The following LIPI variants were observed in gnomAD, a reference collection of about 807,000 sequenced individuals.
LIPI encodes the protein lipase I, also known as lipase member I.
Under a neutral mutation model 50.6 loss-of-function variants are expected in LIPI, and 59 were observed. The observed-to-expected ratio is 1.16, with a 90% CI of 0.94 to 1.45. LIPI has a LOEUF of 1.45. Among genes scored for constraint, LIPI ranks in the 40% most tolerant of loss-of-function variants. The probability of loss-of-function intolerance (pLI) is 0.00; values close to 1 mark genes in which losing one functional copy is unlikely to be tolerated. For synonymous variants in LIPI, 203 were observed against 178.2 expected (o/e 1.14, Z -1.11); for missense variants, 586 against 536.3 (o/e 1.09, Z -0.92).
chr21:14,196,788 T>C (rs2019877546), intron 1 of LIPI, among the ~76,000 whole-genome samples: 1 of 152,084 alleles, frequency 6.6e-6, no homozygotes, highest in Admixed American at 6.6e-5. Flanking sequence ...GTAGCACCAC[T>C]GCACTCCAGC....
intron 4 of LIPI, among the ~76,000 whole-genome samples, chr21:14,179,160 C>T (rs1016967563): frequency 1.3e-5 from 2 of 151,812 alleles, no homozygotes; most frequent in African/African-American, 2.4e-5. Flanking sequence ...AAATGTATGC[C>T]CTAATTATCT....
intron 1 of LIPI, among the ~76,000 whole-genome samples, chr21:14,200,518 A>T (rs1329890788): frequency 6.6e-6 from 1 of 152,106 alleles, no homozygotes; most frequent in Non-Finnish European, 1.5e-5. Flanking sequence ...CCACAAAAAG[A>T]ATAAAATACC....
intron 3 of LIPI, among the ~76,000 whole-genome samples, chr21:14,182,365 G>GA (rs1349751731): frequency 1.3e-5 from 2 of 151,972 alleles, no homozygotes; most frequent in African/African-American, 2.4e-5. Context: ...CTTAAGAAAA[G>GA]AAAAAATATA....
intron 8 of LIPI, among the ~76,000 whole-genome samples, chr21:14,149,059 G>T (rs879070330): frequency 1.3e-5 from 2 of 152,146 alleles, no homozygotes; most frequent in Admixed American, 1.3e-4. Context: ...TTTAGATACT[G>T]TATTAGTCTG....
rs560807583 is a variant in LIPI at position 14,144,623 on chromosome 21, C to A, written c.1295G>T (p.Arg432Ile). 8.1e-6 allele frequency: 12 copies of A among 1,482,106 alleles called. No individual in the cohort carries two copies. Among genetic ancestry groups the A allele is most frequent in the Non-Finnish European group, 1.1e-5 (12 of 1,067,258 alleles). The allele number at this position is 1,482,106 out of a possible 1,614,324, so 91.8% of individuals were successfully genotyped here. A position where few individuals can be genotyped will look rare whatever the true frequency, so the allele number is the denominator to read the frequency against. Residue 432 changes from arginine to isoleucine, a missense_variant and splice_region_variant, in exon 9 of 10, where the codon AGA becomes ATA. Arg to Ile is a moderately conservative substitution (Grantham distance 97). Transcript: ENST00000681601. ...TGAAATCAAAATTTAATTTTCTTAC[C>A]TTTCTGGGTATGTAAGTGATTTTAA... ...LMLKSLTYPE[R>I]PPLCRYNIVL...
intron 2 of LIPI, 75 bp downstream of exon 2, chr21:14,188,959 G>T: frequency 8.2e-7 from 1 of 1,213,396 alleles, no homozygotes; most frequent in Non-Finnish European, 1.2e-6. Context: ...GGTATTGAAT[G>T]TAACACACTG....
chr21:14,161,910 A>G (rs2018510904), intron 7 of LIPI, among the ~76,000 whole-genome samples: 1 of 136,626 alleles, frequency 7.3e-6, no homozygotes, highest in South Asian at 2.2e-4. Context: ...GATATATAAC[A>G]TATAGATATA....
At chr21:14,195,014 T>C (rs976084705) in intron 1 of LIPI, among the ~76,000 whole-genome samples, 4 of 152,134 alleles carry the variant, frequency 2.6e-5, no homozygotes, top group African/African-American at 9.7e-5. Flanking sequence ...AGCAATGTAT[T>C]TGAACCCTAT....
chr21:14,109,175 C>A (rs1445259543), intron 9 of LIPI, 95 bp from the exon 10 acceptor site: 6 of 927,572 alleles, frequency 6.5e-6, no homozygotes, highest in Middle Eastern at 3.1e-4. Context: ...ATAGTCCATG[C>A]CTGTAACTAG....
chr21:14,161,588 C>CA (rs2018470759), intron 7 of LIPI, among the ~76,000 whole-genome samples: 1 of 108,574 alleles, frequency 9.2e-6, no homozygotes, highest in Non-Finnish European at 1.7e-5. Context: ...TAATATATAT[C>CA]TATATAATAT....
chr21:14,166,290 G>C (rs1026169488), intron 5 of LIPI, 72 bp downstream of exon 5: 2 of 894,304 alleles, frequency 2.2e-6, no homozygotes, highest in African/African-American at 3.3e-5. Context: ...CAGATTAAGA[G>C]GGGAAAAGTA....
intron 4 of LIPI, 151 bp from the exon 5 acceptor site, chr21:14,166,602 T>C (rs2018695119): frequency 4.7e-6 from 3 of 641,076 alleles, no homozygotes; most frequent in African/African-American, 1.8e-5. Context: ...AAGTTTTTCT[T>C]CTATAATTCC....
intron 4 of LIPI, among the ~76,000 whole-genome samples, chr21:14,171,446 C>A (rs202039352): frequency 6.7e-6 from 1 of 150,166 alleles, no homozygotes; most frequent in African/African-American, 2.4e-5. Context: ...GGAGGCATCA[C>A]GCTACCTGAC....
At chr21:14,200,794 G>A (rs1327903488) in intron 1 of LIPI, among the ~76,000 whole-genome samples, 1 of 151,562 alleles carries the variant, frequency 6.6e-6, no homozygotes, top group African/African-American at 2.4e-5. Flanking sequence ...CCAAAAAAGG[G>A]CCCAAATAGC....
chr21:14,152,634 C>T lies in LIPI; in HGVS notation c.1057G>A (p.Gly353Ser), dbSNP rs1352501933. Reference sequence around the variant, plus strand: ...TTTAATAATTTAAATGAAAACGAGCCATCCATCATAGTTTTATCTGGAACA... The same window carrying T: ...TTTAATAATTTAAATGAAAACGAGCTATCCATCATAGTTTTATCTGGAACA... ...IIVPDKTMMD[G>S]SFSFKLLNQL... Residue 353 changes from glycine (G) to serine (S), a missense_variant, in exon 8 of 10, where the codon GGC becomes AGC. Transcript: ENST00000681601. The T allele has an allele frequency of 1.3e-6, 2 of 1,588,918 alleles. No homozygotes were observed. The highest frequency in any genetic ancestry group is 1.7e-6 in the Non-Finnish European group (2 of 1,158,666).
At position 14,163,492 on chromosome 21, in the gene LIPI, T is replaced by G; in HGVS notation, c.933A>C (p.Leu311Phe). The G allele has an allele frequency of 6.3e-7, 1 of 1,584,370 alleles. No homozygotes were observed. Among genetic ancestry groups the G allele is most frequent in the Non-Finnish European group, 8.7e-7 (1 of 1,153,194 alleles). ...GYQAKLFKGV[L>F]KERMEGRPLR... The stretch of plus-strand genomic sequence containing the variant: ...GAGGTCTTCCTTCCATCCTTTCTTT[T>G]AAAACACCTTTAAATAGCTTGGCTT... Residue 311 changes from leucine to phenylalanine, a missense_variant, in exon 7 of 10, where the codon TTA (leucine) becomes TTC (phenylalanine). Transcript: ENST00000681601.
At chr21:14,186,745 A>G (rs1359877086) in intron 2 of LIPI, among the ~76,000 whole-genome samples, 1 of 152,066 alleles carries the variant, frequency 6.6e-6, no homozygotes, top group African/African-American at 2.4e-5. Flanking sequence ...CATGAAAGGG[A>G]TTACTGCCCA....
At chr21:14,193,368 AC>A (rs2019741003) in intron 1 of LIPI, among the ~76,000 whole-genome samples, 1 of 152,142 alleles carries the variant, frequency 6.6e-6, no homozygotes, top group Non-Finnish European at 1.5e-5. Flanking sequence ...AAAACTAATA[AC>A]AAAGTGGTAA....
chr21:14,152,542 A>G (rs1207852655), intron 8 of LIPI, 31 bp downstream of exon 8: 2 of 1,045,012 alleles, frequency 1.9e-6, no homozygotes, highest in Non-Finnish European at 1.5e-6. Flanking sequence ...CATTGAATAT[A>G]TGAGAGAAGA....
Sources: allele counts gnomAD v4.1 joint callset (sites outside exome capture counted in the v4.1 genomes callset), GRCh38; gene constraint gnomAD v4.1.1; transcripts MANE v1.5; gene names NCBI Gene and HGNC (gene_info 2026-07-23, HGNC 2026-07-21).